The following ARHGAP24 variants were observed in gnomAD, a reference collection of about 807,000 sequenced individuals.
ARHGAP24 encodes rho GTPase-activating protein 24.
In ARHGAP24, 50 loss-of-function variants were observed where a neutral mutation model predicts 76.4. The ratio of observed to expected loss-of-function variants is 0.65; its 90% confidence interval spans 0.52 to 0.83. ARHGAP24 has a LOEUF of 0.83. Ranked by LOEUF, ARHGAP24 falls within the 40% of genes least tolerant of loss-of-function variation. ARHGAP24 has a pLI of 0.00. For synonymous variants in ARHGAP24, 345 were observed against 323.3 expected (o/e 1.07, Z -0.72); for missense variants, 930 against 914.2 (o/e 1.02, Z -0.22).
At chr4:85,577,800 A>T (rs1727441695) in intron 2 of ARHGAP24, among the ~76,000 whole-genome samples, 2 of 152,226 alleles carry the variant, frequency 1.3e-5, no homozygotes, top group Non-Finnish European at 2.9e-5. Context: ...TTAACCTGAG[A>T]AATGAAGGAT....
intron 4 of ARHGAP24, among the ~76,000 whole-genome samples, chr4:85,936,869 G>T (rs1736663929): frequency 6.6e-6 from 1 of 152,142 alleles, no homozygotes; most frequent in Admixed American, 6.5e-5. Context: ...ACATAGTTCA[G>T]CATAGTTTGA....
intron 2 of ARHGAP24, among the ~76,000 whole-genome samples, chr4:85,720,532 A>G (rs2110042103): frequency 1.3e-5 from 2 of 152,256 alleles, no homozygotes; most frequent in South Asian, 4.1e-4. Context: ...CATCTTTGAG[A>G]TAAGTGGAAA....
intron 9 of ARHGAP24, among the ~76,000 whole-genome samples, chr4:85,997,712 G>A (rs189285820): frequency 6.6e-6 from 1 of 152,160 alleles, no homozygotes; most frequent in East Asian, 1.9e-4. Context: ...GGAGAGTGCA[G>A]TGATGCAATC....
At chr4:85,532,937 A>C (rs190906594) in intron 1 of ARHGAP24, among the ~76,000 whole-genome samples, 2 of 152,322 alleles carry the variant, frequency 1.3e-5, no homozygotes, top group East Asian at 3.9e-4. Flanking sequence ...CAATTCTGTC[A>C]ACAAACTGTG....
chr4:85,514,968 G>C (rs911992708), intron 1 of ARHGAP24, among the ~76,000 whole-genome samples: 2 of 152,138 alleles, frequency 1.3e-5, no homozygotes, highest in African/African-American at 2.4e-5. Context: ...AGCCAGATAG[G>C]GAAGGAATAA....
intron 2 of ARHGAP24, among the ~76,000 whole-genome samples, chr4:85,693,763 G>A (rs567078795): frequency 1.1e-4 from 17 of 152,346 alleles, no homozygotes; most frequent in Non-Finnish European, 1.8e-4. Flanking sequence ...ACTTTCTCCT[G>A]GCCTGGCATC....
chr4:85,828,528 T>TTTA (rs1729832713), intron 3 of ARHGAP24, among the ~76,000 whole-genome samples: 1 of 146,062 alleles, frequency 6.8e-6, no homozygotes, highest in Non-Finnish European at 1.5e-5. Context: ...TTTTTTTTTT[T>TTTA]AAAAAAAGCC....
At chr4:85,539,489 A>C (rs11945092) in intron 1 of ARHGAP24, among the ~76,000 whole-genome samples, 17,181 of 152,084 alleles carry the variant, frequency 0.11, 3,093 homozygotes, top group African/African-American at 0.38. Flanking sequence ...GTCATAATCT[A>C]TAAAACAAAT....
At chr4:85,514,247 C>T (rs942212932) in intron 1 of ARHGAP24, among the ~76,000 whole-genome samples, 3 of 152,050 alleles carry the variant, frequency 2.0e-5, no homozygotes, top group Non-Finnish European at 4.4e-5. Context: ...GATGGTGTCC[C>T]AGCTGCCCAG....
At chr4:85,812,478 A>C (rs1231120757) in intron 3 of ARHGAP24, among the ~76,000 whole-genome samples, 1 of 152,130 alleles carries the variant, frequency 6.6e-6, no homozygotes, top group Non-Finnish European at 1.5e-5. Flanking sequence ...AATCTAGATA[A>C]AATCTAACCC....
At chr4:85,744,777 G>T (rs1300297900) in intron 3 of ARHGAP24, among the ~76,000 whole-genome samples, 1 of 152,160 alleles carries the variant, frequency 6.6e-6, no homozygotes, top group Non-Finnish European at 1.5e-5. Flanking sequence ...TTTTCATTAT[G>T]TATTGCTGCT....
At chr4:85,678,041 GA>G (rs1030967623) in intron 2 of ARHGAP24, among the ~76,000 whole-genome samples, 25 of 137,958 alleles carry the variant, frequency 1.8e-4, no homozygotes, top group East Asian at 4.2e-4. Context: ...CTCCATCAAA[GA>G]AAAAAAAAAG....
intron 4 of ARHGAP24, among the ~76,000 whole-genome samples, chr4:85,929,074 T>C (rs1190300689): frequency 6.6e-6 from 1 of 152,220 alleles, no homozygotes; most frequent in African/African-American, 2.4e-5. Flanking sequence ...ATGCTTTCAC[T>C]TCCTGTGAAA....
chr4:85,977,864 TTTTG>T lies in ARHGAP24; in HGVS notation c.928+179_928+182del, dbSNP rs372598824. Among the ~76,000 whole-genome samples, 4 of 152,344 alleles carry T rather than the reference TTTTG, an allele frequency of 2.6e-5. No homozygotes were observed. In the South Asian group the frequency reaches 8.3e-4, roughly 32 times the overall value. Reference sequence around the variant, plus strand: ...ATCTTCCTTTTGAAAGTCAGATATTTTTTGTTTGTGTTTACTAAACATAAAATAT... The same window carrying T: ...ATCTTCCTTTTGAAAGTCAGATATTTTTTGTGTTTACTAAACATAAAATAT... On this transcript the variant is annotated intron_variant, in intron 8 of 9. Coordinates refer to ENST00000395184, the MANE Select transcript of ARHGAP24 (RefSeq NM_001025616.3).
intron 1 of ARHGAP24, among the ~76,000 whole-genome samples, chr4:85,525,484 TAA>T (rs80052246): frequency 2.1e-5 from 3 of 145,412 alleles, no homozygotes; most frequent in African/African-American, 7.5e-5. Context: ...ATGAGTTTTA[TAA>T]AAAAAAAAAG....
chr4:85,623,776 G>A (rs1720814458), intron 2 of ARHGAP24, among the ~76,000 whole-genome samples: 1 of 151,700 alleles, frequency 6.6e-6, no homozygotes, highest in Admixed American at 6.6e-5. Flanking sequence ...TTGAGCAGTG[G>A]TTTGTAGTTC....
At chr4:85,599,961 G>A (rs187718721) in intron 2 of ARHGAP24, among the ~76,000 whole-genome samples, 105 of 152,188 alleles carry the variant, frequency 6.9e-4, no homozygotes, top group Admixed American at 1.2e-3. Context: ...CATGGTTTGA[G>A]CCTCATAGAG....
chr4:85,954,585 A>G (rs1737804052), intron 5 of ARHGAP24, among the ~76,000 whole-genome samples: 1 of 152,262 alleles, frequency 6.6e-6, no homozygotes, highest in African/African-American at 2.4e-5. Context: ...TCCCTTCGGC[A>G]GCACATATAC....
intron 2 of ARHGAP24, among the ~76,000 whole-genome samples, chr4:85,637,578 C>T (rs1721376332): frequency 6.6e-6 from 1 of 151,946 alleles, no homozygotes; most frequent in South Asian, 2.1e-4. Flanking sequence ...CTACATAGTC[C>T]AAATTTAGAC....
Sources: gnomAD v4.1 joint callset for allele counts (sites outside exome capture counted in the v4.1 genomes callset) on GRCh38, gnomAD v4.1.1 for gene constraint, MANE v1.5 for transcripts, NCBI Gene and HGNC (gene_info 2026-07-23, HGNC 2026-07-21) for gene names.